The following TRPV3 variants were observed in gnomAD, a reference collection of about 807,000 sequenced individuals.
TRPV3 encodes the protein transient receptor potential cation channel subfamily V member 3, also known as VRL-3.
In TRPV3, 88 loss-of-function variants were observed where a neutral mutation model predicts 87.1. The observed-to-expected ratio is 1.01, with a 90% CI of 0.85 to 1.21. The LOEUF (loss-of-function observed/expected upper bound fraction) is 1.21. TRPV3 is among the 50% of genes most tolerant of loss of function. The pLI is 0.00. For missense variants in TRPV3, 1,054 were observed against 1,030.1 expected (o/e 1.02, Z -0.32); for synonymous variants, 438 against 423.3 (o/e 1.03, Z -0.43).
At chr17:3,554,944 C>T (rs559339454) in intron 1 of TRPV3, 92 bp from the exon 2 acceptor site, 20 of 705,326 alleles carry the variant, frequency 2.8e-5, no homozygotes, top group East Asian at 7.9e-5. Flanking sequence ...ATCCAGCTCC[C>T]GTTCACACTA....
In TRPV3 at chr17:3,540,092, T is replaced by TAAATAAATAAACAAAC. The variant is rs1555545584; in HGVS notation, c.643+2429_643+2430insGTTTGTTTATTTATTT. 7.7e-4 allele frequency among the ~76,000 whole-genome samples: 116 copies of TAAATAAATAAACAAAC among 150,874 alleles called. 2 individuals are homozygous for TAAATAAATAAACAAAC. The highest frequency in any genetic ancestry group is 2.8e-3 in the African/African-American group (113 of 41,088). On this transcript the variant is annotated intron_variant, in intron 6 of 17. Transcript: ENST00000576742. ...ATAAATAAATAAATAAATAAATAAA[T>TAAATAAATAAACAAAC]AAACAAAGTCATTGCTCTAAATAAG...
At chr17:3,548,184 C>T (rs1279339535) in intron 2 of TRPV3, among the ~76,000 whole-genome samples, 1 of 152,180 alleles carries the variant, frequency 6.6e-6, no homozygotes, top group Non-Finnish European at 1.5e-5. Flanking sequence ...GACCAACATG[C>T]CCCTTCCTTC....
intron 12 of TRPV3, among the ~76,000 whole-genome samples, chr17:3,526,545 G>A (rs533596616): frequency 6.6e-6 from 1 of 151,740 alleles, no homozygotes; most frequent in East Asian, 1.9e-4. Context: ...TCCACTCCAT[G>A]CTGCCTTCCA....
chr17:3,549,687 G>T (rs1175974413), intron 2 of TRPV3, among the ~76,000 whole-genome samples: 1 of 151,522 alleles, frequency 6.6e-6, no homozygotes, highest in Non-Finnish European at 1.5e-5. Flanking sequence ...GGAATGGGTA[G>T]ATGAGTGGAT....
chr17:3,530,008 G>A lies in TRPV3; in HGVS notation c.1242+19C>T, dbSNP rs766947955. ...AGCCCTCTTCTCCCTGCCCTTCCCCGCCTGTGCAGGAGACCCACGTCGATG... is the reference window on the plus strand; with the variant it reads ...AGCCCTCTTCTCCCTGCCCTTCCCCACCTGTGCAGGAGACCCACGTCGATG... On this transcript the variant is annotated intron_variant, in intron 9 of 17. Transcript: ENST00000576742. The surrounding 1 kb of genome is among the most constrained non-coding windows in gnomAD (Gnocchi z 4.0). 5.0e-6 allele frequency: 8 copies of A among 1,602,140 alleles called. No individual in the cohort carries two copies. The highest frequency in any genetic ancestry group is 2.2e-5 in the East Asian group (1 of 44,542).
intron 2 of TRPV3, among the ~76,000 whole-genome samples, chr17:3,549,556 T>C (rs2074553950): frequency 6.6e-6 from 1 of 152,138 alleles, no homozygotes. Context: ...GAGTGAAAGA[T>C]GAATGAGTGG....
chr17:3,530,315 T>C lies in TRPV3; in HGVS notation c.1066-112A>G. 9.4e-7 allele frequency: 1 copy of C among 1,065,872 alleles called. No homozygotes were observed. Among genetic ancestry groups the C allele is most frequent in the South Asian group, 1.8e-5 (1 of 56,224 alleles). 66.0% of individuals were successfully genotyped at this position (1,065,872 alleles called of 1,614,324 possible). A position where few individuals can be genotyped will look rare whatever the true frequency, so the allele number is the denominator to read the frequency against. On this transcript the variant is annotated intron_variant, in intron 8 of 17. Coordinates refer to ENST00000576742, the MANE Select transcript of TRPV3 (RefSeq NM_145068.4). This position sits in a 1 kb window ranked among gnomAD's most constrained non-coding sequence, Gnocchi z 4.0. Reference sequence around the variant, plus strand: ...AGGGGATACACCCGCCCAGAATGGGTGGAGACCTGCCTCTGCGCCTGGCGC... The same window carrying C: ...AGGGGATACACCCGCCCAGAATGGGCGGAGACCTGCCTCTGCGCCTGGCGC...
chr17:3,518,239 T>C lies in TRPV3; in HGVS notation c.2085+337A>G, dbSNP rs1398645059. 2.0e-5 allele frequency among the ~76,000 whole-genome samples: 3 copies of C among 152,156 alleles called. No homozygotes were observed. The highest frequency in any genetic ancestry group is 7.2e-5 in the African/African-American group (3 of 41,432). The stretch of plus-strand genomic sequence containing the variant: ...AAGAAGTGTTCAGGCCAGGATAGAA[T>C]AGAGCAGAACTGTCACCTCCACTGT... On this transcript the variant is annotated intron_variant, in intron 15 of 17. Transcript: ENST00000576742. The surrounding 1 kb of genome is among the most constrained non-coding windows in gnomAD (Gnocchi z 4.3).
Position 3,539,229 on chromosome 17 carries a change from G to C in TRPV3, c.643+3293C>G, listed in dbSNP as rs564160399. Among the ~76,000 whole-genome samples, 4 of 151,752 alleles carry C rather than the reference G, an allele frequency of 2.6e-5. No homozygotes were observed. In the South Asian group the frequency reaches 8.3e-4, roughly 32 times the overall value. ...ATGTTAAATAAATAAAACTTTTTCT[G>C]TGTGCACATATACACACACAAATGT... On this transcript the variant is annotated intron_variant, in intron 6 of 17. Transcript: ENST00000576742.
chr17:3,543,431 AG>A, intron 5 of TRPV3, 42 bp downstream of exon 5: 1 of 1,601,192 alleles, frequency 6.2e-7, no homozygotes. Flanking sequence ...GAAGCCAAGC[AG>A]GGCCCCCAGC....
At chr17:3,545,353 G>T (rs751070106) in intron 2 of TRPV3, 82 bp from the exon 3 acceptor site, 23 of 1,075,588 alleles carry the variant, frequency 2.1e-5, no homozygotes, top group Non-Finnish European at 3.1e-5. Context: ...GCCCCAGAGG[G>T]TGCCCCCATG....
intron 8 of TRPV3, among the ~76,000 whole-genome samples, chr17:3,532,056 T>A (rs1319062921): frequency 6.6e-6 from 1 of 152,026 alleles, no homozygotes. Flanking sequence ...GAGAAGAACA[T>A]CTCAGACCAA....
chr17:3,554,270 G>T (rs1368379316), intron 2 of TRPV3: 1 of 157,360 alleles, frequency 6.4e-6, no homozygotes, highest in Non-Finnish European at 1.4e-5. Context: ...GCCATTGCCG[G>T]TGTCCCCATT....
intron 7 of TRPV3, among the ~76,000 whole-genome samples, chr17:3,535,003 C>T (rs1036159766): frequency 2.0e-5 from 3 of 152,038 alleles, no homozygotes; most frequent in African/African-American, 7.2e-5. Flanking sequence ...CCAGCCCCTC[C>T]TTCTCTGGTC....
In TRPV3 at chr17:3,534,763, G is replaced by A. The variant is rs1202054703; in HGVS notation, c.784+810C>T. On this transcript the variant is annotated intron_variant, in intron 7 of 17. Transcript: ENST00000576742. ...CCTGTCTGCAGTCCTGAGATGCACT[G>A]GGCCCTGGCACAGAGGTCAGAGCTG... Among the ~76,000 whole-genome samples, 5 of 151,886 alleles carry A rather than the reference G, an allele frequency of 3.3e-5. No individual in the cohort carries two copies. The East Asian group carries it at 9.7e-4, about 29-fold the overall frequency.
At chr17:3,527,838 A>C (rs1294786593) in intron 11 of TRPV3, 187 bp downstream of exon 11, 2 of 593,158 alleles carry the variant, frequency 3.4e-6, no homozygotes, top group African/African-American at 3.7e-5. Context: ...AGAGAAGTAG[A>C]TGGATGAAGT....
At chr17:3,545,418 G>A (rs1268948647) in intron 2 of TRPV3, 147 bp from the exon 3 acceptor site, 9 of 578,110 alleles carry the variant, frequency 1.6e-5, no homozygotes, top group Admixed American at 3.2e-5. Context: ...CAGCCCTCCC[G>A]GGAGCCCTCG....
chr17:3,523,849 T>C (rs1402412607), intron 13 of TRPV3, among the ~76,000 whole-genome samples: 1 of 152,162 alleles, frequency 6.6e-6, no homozygotes, highest in Non-Finnish European at 1.5e-5. Flanking sequence ...GTAAAATGTA[T>C]GATAAGTCTT....
In TRPV3 at chr17:3,513,351, A is replaced by C. The variant is rs921715607; in HGVS notation, c.*566T>G. On this transcript the variant is annotated 3_prime_UTR_variant, in exon 18 of 18. Transcript: ENST00000576742. ...CCAAGGATGGTCTCCTTTTCCCCGAAGGGTTCCGGAAGGGTGTTTCCAGAG... is the reference window on the plus strand; with the variant it reads ...CCAAGGATGGTCTCCTTTTCCCCGACGGGTTCCGGAAGGGTGTTTCCAGAG... 1.3e-5 allele frequency: 2 copies of C among 152,870 alleles called. No individual in the cohort carries two copies. The highest frequency in any genetic ancestry group is 2.9e-5 in the Non-Finnish European group (2 of 68,228). 9.5% of individuals were successfully genotyped at this position (152,870 alleles called of 1,614,324 possible).
Sources: gnomAD v4.1 joint callset for allele counts (sites outside exome capture counted in the v4.1 genomes callset) on GRCh38, gnomAD v4.1.1 for gene constraint, Gnocchi (gnomAD v3.1) non-coding constraint, MANE v1.5 for transcripts, NCBI Gene and HGNC (gene_info 2026-07-23, HGNC 2026-07-21) for gene names.